Variants in DCC observed in about 807,000 individuals in gnomAD.
DCC encodes netrin receptor DCC.
DCC carries 58 observed loss-of-function variants against 172.5 expected under a neutral mutation model. The observed-to-expected ratio is 0.34, with a 90% confidence interval of 0.27 to 0.42. DCC has a LOEUF of 0.42. Among genes scored for constraint, DCC ranks in the 10% least tolerant of loss-of-function variants. The pLI, the probability that DCC is intolerant of heterozygous loss-of-function variation, is 1.00. For missense variants in DCC, 1,740 were observed against 1,791.0 expected (o/e 0.97, Z 0.51); for synonymous variants, 709 against 644.5 (o/e 1.10, Z -1.52).
chr18:52,636,025 C>T (rs1161670099), intron 1 of DCC, among the ~76,000 whole-genome samples: 1 of 152,188 alleles, frequency 6.6e-6, no homozygotes, highest in Non-Finnish European at 1.5e-5. Flanking sequence ...GTGAGCGCCC[C>T]AACTGCGGAA....
chr18:53,164,030 C>G (rs1201718471), intron 8 of DCC, among the ~76,000 whole-genome samples: 1 of 152,142 alleles, frequency 6.6e-6, no homozygotes, highest in South Asian at 2.1e-4. Context: ...ACTAGAATTT[C>G]GTGCAGACCA....
chr18:52,853,082 A>G (rs1204886997), intron 2 of DCC, among the ~76,000 whole-genome samples: 1 of 152,110 alleles, frequency 6.6e-6, no homozygotes, highest in Non-Finnish European at 1.5e-5. Flanking sequence ...TAATTGTTCA[A>G]TTCCACTCCT....
intron 7 of DCC, among the ~76,000 whole-genome samples, chr18:53,124,322 A>G (rs1203022708): frequency 6.6e-6 from 1 of 152,108 alleles, no homozygotes; most frequent in African/African-American, 2.4e-5. Context: ...ATTTTTAAGA[A>G]GCATTTCCAA....
intron 2 of DCC, among the ~76,000 whole-genome samples, chr18:52,775,855 G>C (rs9957208): frequency 0.087 from 13,245 of 152,268 alleles, 660 homozygotes; most frequent in South Asian, 0.18. Context: ...GAGTGCTCAT[G>C]CTCACCTAGG....
chr18:53,069,565 C>T (rs1047053916), intron 7 of DCC, among the ~76,000 whole-genome samples: 4 of 150,716 alleles, frequency 2.7e-5, no homozygotes, highest in Non-Finnish European at 4.4e-5. Flanking sequence ...GGTCCAGTGA[C>T]TGCATTTCTA....
At chr18:52,869,439 C>A (rs1351822698) in intron 2 of DCC, among the ~76,000 whole-genome samples, 2 of 152,184 alleles carry the variant, frequency 1.3e-5, no homozygotes, top group Non-Finnish European at 2.9e-5. Context: ...CTGCATTGGT[C>A]CATGGGTGGC....
chr18:53,410,584 A>G lies in DCC; in HGVS notation c.3068A>G (p.Gln1023Arg). ...NLDTMYYFRIQARNSKGVGPL... is the reference protein window; with the variant it reads ...NLDTMYYFRIRARNSKGVGPL... Reference sequence around the variant, plus strand: ...GATACTATGTATTACTTTCGAATTCAAGCACGAAATTCAAAAGGAGTGGGG... The same window carrying G: ...GATACTATGTATTACTTTCGAATTCGAGCACGAAATTCAAAAGGAGTGGGG... The change falls in exon 20 of 29, where the codon CAA becomes CGA. Residue 1023 changes from glutamine to arginine, a missense_variant. Around this residue, in one of 2 missense-constraint regions of DCC, gnomAD observed 1,732 missense variants for 1,767.4 expected, o/e 0.98. Transcript: ENST00000442544. The G allele has an allele frequency of 6.2e-7, 1 of 1,611,278 alleles. No homozygotes were observed. The highest frequency in any genetic ancestry group is 8.5e-7 in the Non-Finnish European group (1 of 1,177,428).
chr18:53,204,079 A>G (rs1284485441), intron 9 of DCC, among the ~76,000 whole-genome samples: 4 of 140,780 alleles, frequency 2.8e-5, no homozygotes, highest in African/African-American at 1.3e-4. Context: ...ATATAGTTAC[A>G]TTTGATTAAC....
chr18:52,473,571 A>G lies in DCC; in HGVS notation c.91+132693A>G, dbSNP rs572913297. Among the ~76,000 whole-genome samples, 3 of 152,296 alleles carry G rather than the reference A, an allele frequency of 2.0e-5. No individual in the cohort carries two copies. In the East Asian group the frequency reaches 5.8e-4, roughly 29 times the overall value. ...AAGGGGAAGCAAATATGTCCTTTTC[A>G]CACAGCTGGAGAAAGGAGCAGATTG... On this transcript the variant is annotated intron_variant, in intron 1 of 28. Coordinates refer to ENST00000442544, the MANE Select transcript of DCC (RefSeq NM_005215.4).
intron 1 of DCC, among the ~76,000 whole-genome samples, chr18:52,459,605 C>A (rs976564989): frequency 6.6e-6 from 1 of 151,908 alleles, no homozygotes; most frequent in Non-Finnish European, 1.5e-5. Flanking sequence ...GTAGCTGGGA[C>A]TACAGGTGCC....
At chr18:53,345,402 A>C (rs1296338112) in intron 15 of DCC, among the ~76,000 whole-genome samples, 1 of 152,146 alleles carries the variant, frequency 6.6e-6, no homozygotes, top group Non-Finnish European at 1.5e-5. Context: ...CATATGGACT[A>C]TTCCTTTTGT....
intron 1 of DCC, among the ~76,000 whole-genome samples, chr18:52,488,770 A>T (rs760266385): frequency 1.3e-5 from 2 of 152,086 alleles, no homozygotes; most frequent in Non-Finnish European, 2.9e-5. Flanking sequence ...GGCATCTATA[A>T]GACTGTTTTA....
chr18:53,226,315 G>A (rs1174666933), intron 12 of DCC, among the ~76,000 whole-genome samples: 1 of 152,210 alleles, frequency 6.6e-6, no homozygotes, highest in Non-Finnish European at 1.5e-5. Flanking sequence ...ACTGTTGGTG[G>A]AAACTGAAAG....
intron 7 of DCC, among the ~76,000 whole-genome samples, chr18:53,110,763 G>A (rs574816618): frequency 7.6e-6 from 1 of 132,028 alleles, no homozygotes; most frequent in Non-Finnish European, 1.6e-5. Flanking sequence ...GTGCTGGAGA[G>A]GATGTGGAGA....
At chr18:52,614,050 C>A (rs60587017) in intron 1 of DCC, among the ~76,000 whole-genome samples, 29,385 of 152,040 alleles carry the variant, frequency 0.19, 3,315 homozygotes, top group African/African-American at 0.3. Context: ...TATTTGGTAC[C>A]AACGCTTTCC....
intron 15 of DCC, among the ~76,000 whole-genome samples, chr18:53,368,219 T>C (rs144548196): frequency 7.8e-4 from 119 of 152,306 alleles, no homozygotes; most frequent in African/African-American, 2.7e-3. Flanking sequence ...TTGTACTTAT[T>C]GGCCATTGTA....
chr18:53,218,860 C>T (rs1428732521), intron 12 of DCC, among the ~76,000 whole-genome samples: 1 of 152,018 alleles, frequency 6.6e-6, no homozygotes, highest in Non-Finnish European at 1.5e-5. Context: ...CAAATACATA[C>T]TACAACTTAA....
In DCC at chr18:53,141,642, C is replaced by G. The variant is rs191120512; in HGVS notation, c.1262-15714C>G. Among the ~76,000 whole-genome samples, 130 of 152,288 alleles carry G rather than the reference C, an allele frequency of 8.5e-4. 1 individual carries two copies. The highest frequency in any genetic ancestry group is 2.6e-3 in the Admixed American group (40 of 15,290). On this transcript the variant is annotated intron_variant, in intron 7 of 28. Coordinates refer to ENST00000442544, the MANE Select transcript of DCC (RefSeq NM_005215.4). ...TTCAGCTGACTGGATTTTGTGGATTCTTTCAATGACACATTCCTTTCATCA... is the reference window on the plus strand; with the variant it reads ...TTCAGCTGACTGGATTTTGTGGATTGTTTCAATGACACATTCCTTTCATCA...
intron 1 of DCC, among the ~76,000 whole-genome samples, chr18:52,617,753 C>T (rs1474223502): frequency 6.6e-6 from 1 of 151,794 alleles, no homozygotes; most frequent in Non-Finnish European, 1.5e-5. Flanking sequence ...TTTTTTAGAA[C>T]ATTTTAGAAA....
Sources: gnomAD v4.1 joint callset for allele counts (sites outside exome capture counted in the v4.1 genomes callset) on GRCh38, gnomAD v4.1.1 for gene constraint, gnomAD v4.1.1 regional missense constraint, MANE v1.5 for transcripts, NCBI Gene and HGNC (gene_info 2026-07-23, HGNC 2026-07-21) for gene names.